SLMAP: variants seen among roughly 807,000 people sequenced by gnomAD.
The protein encoded by SLMAP is sarcolemmal membrane-associated protein.
In SLMAP, 44 loss-of-function variants were observed where a neutral mutation model predicts 128.8. That is an observed-to-expected ratio of 0.34 (90% CI 0.27 to 0.44). The LOEUF (loss-of-function observed/expected upper bound fraction) is 0.44. Among genes scored for constraint, SLMAP ranks in the 20% least tolerant of loss-of-function variants. SLMAP has a pLI of 1.00. For synonymous variants in SLMAP, 327 were observed against 348.8 expected (o/e 0.94, Z 0.70); for missense variants, 787 against 985.3 (o/e 0.80, Z 2.69).
intron 21 of SLMAP, among the ~76,000 whole-genome samples, chr3:57,915,297 A>T (rs1013651891): frequency 2.0e-5 from 3 of 152,244 alleles, no homozygotes; most frequent in African/African-American, 7.2e-5. Flanking sequence ...GCAAGCCTAC[A>T]AACTCCTAGT....
intron 22 of SLMAP, 144 bp from the exon 23 acceptor site, chr3:57,922,745 G>GC: frequency 1.4e-6 from 1 of 735,334 alleles, no homozygotes; most frequent in Non-Finnish European, 2.2e-6. Context: ...TCTTATGAGT[G>GC]CAAGTTATTC....
intron 2 of SLMAP, among the ~76,000 whole-genome samples, chr3:57,817,927 C>T (rs1209226096): frequency 6.6e-6 from 1 of 152,142 alleles, no homozygotes; most frequent in Admixed American, 6.5e-5. Flanking sequence ...ACCATTGTGA[C>T]TATAGATAGG....
chr3:57,908,593 C>A (rs1187047051), intron 18 of SLMAP, among the ~76,000 whole-genome samples: 2 of 152,178 alleles, frequency 1.3e-5, no homozygotes, highest in African/African-American at 4.8e-5. Context: ...TACTTCTTTC[C>A]TTTCCTAATT....
intron 22 of SLMAP, among the ~76,000 whole-genome samples, chr3:57,922,034 T>G (rs1421432406): frequency 6.6e-6 from 1 of 152,176 alleles, no homozygotes; most frequent in African/African-American, 2.4e-5. Flanking sequence ...GAAATAGAAA[T>G]TTCCCAATCA....
At chr3:57,829,658 A>T (rs2093197592) in intron 2 of SLMAP, among the ~76,000 whole-genome samples, 1 of 152,244 alleles carries the variant, frequency 6.6e-6, no homozygotes, top group Admixed American at 6.5e-5. Flanking sequence ...GTAATTAGAT[A>T]TACAAACTGC....
chr3:57,760,069 A>T (rs750854741), intron 2 of SLMAP, among the ~76,000 whole-genome samples: 1 of 152,114 alleles, frequency 6.6e-6, no homozygotes, highest in African/African-American at 2.4e-5. Context: ...CCTCCTGAGT[A>T]GCTGGGATCA....
chr3:57,762,053 C>CA lies in SLMAP; in HGVS notation c.198+4225dup, dbSNP rs1312577556. ...TGGGCGACAGAGCGAGACTCCGTCT[C>CA]AAAAAAAAAAAAAAAAAAAAAGTTG... is the stretch of plus-strand genomic sequence containing the variant. On this transcript the variant is annotated intron_variant, in intron 2 of 24. Transcript: ENST00000671191. 7.8e-3 allele frequency among the ~76,000 whole-genome samples: 350 copies of CA among 44,960 alleles called. 3 individuals carry two copies. Among genetic ancestry groups the CA allele is most frequent in the African/African-American group, 0.015 (181 of 11,884 alleles). The allele number at this position is 44,960 out of a possible 152,430, so 29.5% of individuals were successfully genotyped here. A position where few individuals can be genotyped will look rare whatever the true frequency, so the allele number is the denominator to read the frequency against.
At chr3:57,853,955 T>TTATTTA (rs1553880926) in intron 6 of SLMAP, among the ~76,000 whole-genome samples, 21 of 31,944 alleles carry the variant, frequency 6.6e-4, no homozygotes, top group Non-Finnish European at 1.0e-3. Context: ...AAAAAAAAAA[T>TTATTTA]TATATATATA....
intron 2 of SLMAP, among the ~76,000 whole-genome samples, chr3:57,802,812 G>T (rs1016968624): frequency 1.3e-5 from 2 of 152,112 alleles, no homozygotes; most frequent in African/African-American, 4.8e-5. Context: ...GTACTGCCAG[G>T]AACATTTGTG....
At chr3:57,903,800 T>A (rs2096458918) in intron 17 of SLMAP, among the ~76,000 whole-genome samples, 1 of 152,208 alleles carries the variant, frequency 6.6e-6, no homozygotes, top group South Asian at 2.1e-4. Flanking sequence ...CTTGCATGTC[T>A]AAATAAAATG....
chr3:57,846,693 A>AT (rs1294003731), intron 4 of SLMAP, among the ~76,000 whole-genome samples: 2 of 151,640 alleles, frequency 1.3e-5, no homozygotes, highest in South Asian at 4.2e-4. Flanking sequence ...AGGAGCTGGG[A>AT]CTAATGGTGT....
intron 2 of SLMAP, among the ~76,000 whole-genome samples, chr3:57,813,216 G>A (rs1164155433): frequency 2.0e-5 from 3 of 151,174 alleles, no homozygotes; most frequent in Non-Finnish European, 2.9e-5. Flanking sequence ...CTGCCTCAGC[G>A]TCTCGAGCAG....
intron 14 of SLMAP, among the ~76,000 whole-genome samples, chr3:57,877,497 T>G (rs1033391529): frequency 4.6e-5 from 7 of 152,254 alleles, no homozygotes; most frequent in Non-Finnish European, 7.3e-5. Flanking sequence ...TGTGTTTCCC[T>G]GCTCGTAATA....
intron 2 of SLMAP, among the ~76,000 whole-genome samples, chr3:57,795,367 G>A (rs925567308): frequency 2.6e-5 from 4 of 152,036 alleles, no homozygotes; most frequent in Admixed American, 1.3e-4. Context: ...GTGAAACCCC[G>A]TCTCTACTAA....
intron 2 of SLMAP, among the ~76,000 whole-genome samples, chr3:57,828,159 A>G (rs1306551327): frequency 3.3e-5 from 5 of 152,140 alleles, no homozygotes; most frequent in African/African-American, 1.2e-4. Context: ...GGGTTTCACC[A>G]TGTTGGCCAG....
intron 2 of SLMAP, among the ~76,000 whole-genome samples, chr3:57,785,046 T>C (rs1180389177): frequency 6.6e-6 from 1 of 152,170 alleles, no homozygotes; most frequent in African/African-American, 2.4e-5. Context: ...TATATAGTTA[T>C]AAAGTATTCA....
chr3:57,880,626 G>A (rs1002419268), intron 14 of SLMAP, among the ~76,000 whole-genome samples: 3 of 148,106 alleles, frequency 2.0e-5, no homozygotes, highest in South Asian at 2.4e-4. Context: ...GCCTGTAATC[G>A]TATTACTTCA....
intron 14 of SLMAP, among the ~76,000 whole-genome samples, chr3:57,886,076 C>T (rs1449361275): frequency 6.7e-6 from 1 of 149,288 alleles, no homozygotes; most frequent in Non-Finnish European, 1.5e-5. Flanking sequence ...GCCAATGCGC[C>T]CAAGAAGCAG....
intron 2 of SLMAP, among the ~76,000 whole-genome samples, chr3:57,826,449 G>T (rs747145368): frequency 6.6e-6 from 1 of 152,118 alleles, no homozygotes; most frequent in Non-Finnish European, 1.5e-5. Flanking sequence ...TTAAAAAGGG[G>T]TCATGGTTCA....
Sources: gnomAD v4.1 joint callset for allele counts (sites outside exome capture counted in the v4.1 genomes callset) on GRCh38, gnomAD v4.1.1 for gene constraint, MANE v1.5 for transcripts, NCBI Gene and HGNC (gene_info 2026-07-23, HGNC 2026-07-21) for gene names.